The following BANP variants were observed in gnomAD, a reference collection of about 807,000 sequenced individuals.
The protein encoded by BANP is BTG3 associated nuclear protein.
Under a neutral mutation model 68.1 loss-of-function variants are expected in BANP, and 11 were observed. The ratio of observed to expected loss-of-function variants is 0.16; its 90% CI spans 0.10 to 0.27. The LOEUF is 0.27. BANP is among the 10% of genes least tolerant of loss of function. BANP has a pLI of 1.00. For missense variants in BANP, 504 were observed against 722.7 expected, an observed-to-expected ratio of 0.70 and a Z score of 3.47; for synonymous variants, 329 against 303.2, an observed-to-expected ratio of 1.09 and a Z score of -0.88.
At chr16:87,990,264 A>C (rs896393498) in intron 4 of BANP, among the ~76,000 whole-genome samples, 7 of 152,224 alleles carry the variant, frequency 4.6e-5, no homozygotes, top group Non-Finnish European at 1.5e-5. Context: ...ATTTTACAAC[A>C]ATTATAAACC....
intron 1 of BANP, among the ~76,000 whole-genome samples, chr16:87,959,704 G>A (rs746084123): frequency 2.6e-5 from 4 of 152,156 alleles, no homozygotes; most frequent in African/African-American, 4.8e-5. Flanking sequence ...GCAGAGGGGC[G>A]ATGCCACCCT....
Position 88,076,807 on chromosome 16 carries a change from G to C in BANP, c.*146G>C. The C allele has an allele frequency of 1.5e-6, 1 of 664,158 alleles. No individual in the cohort carries two copies. The highest frequency in any genetic ancestry group is 2.5e-6 in the Non-Finnish European group (1 of 402,598). 41.1% of individuals were successfully genotyped at this position (664,158 alleles called of 1,614,324 possible). Reference sequence around the variant, plus strand: ...AAGGCCGCTGCCTCCGCGGGGAACAGCATCCTATCAACTGAAAGAGCAGCC... The same window carrying C: ...AAGGCCGCTGCCTCCGCGGGGAACACCATCCTATCAACTGAAAGAGCAGCC... On this transcript the variant is annotated 3_prime_UTR_variant, in exon 14 of 14. Coordinates refer to ENST00000682872, the MANE Select transcript of BANP (RefSeq NM_001386991.1).
At chr16:88,049,130 C>T (rs748467517) in intron 11 of BANP, among the ~76,000 whole-genome samples, 11 of 152,080 alleles carry the variant, frequency 7.2e-5, no homozygotes, top group East Asian at 1.9e-4. Context: ...GAGACAGCGT[C>T]GGATCCCATG....
chr16:88,040,959 G>C (rs1380200003), intron 11 of BANP, among the ~76,000 whole-genome samples: 2 of 152,252 alleles, frequency 1.3e-5, no homozygotes, highest in Admixed American at 1.3e-4. Flanking sequence ...AGTAGACTCA[G>C]AATCTGACAG....
intron 4 of BANP, among the ~76,000 whole-genome samples, chr16:87,991,157 C>T (rs926254137): frequency 6.6e-6 from 1 of 152,114 alleles, no homozygotes; most frequent in Non-Finnish European, 1.5e-5. Flanking sequence ...CCTGCAACTT[C>T]GGGAATTATT....
At chr16:87,998,736 G>A (rs1190828758) in intron 4 of BANP, among the ~76,000 whole-genome samples, 5 of 149,742 alleles carry the variant, frequency 3.3e-5, no homozygotes, top group African/African-American at 4.9e-5. Flanking sequence ...GTGCGCGGCT[G>A]TACTTGCCTG....
At position 88,003,852 on chromosome 16, in the gene BANP, C is replaced by A. The variant is rs545247448; in HGVS notation, c.363-443C>A. ...AATGATACCAACACTTACGTGGTTACGAACGTTAGATCTGTCCCATAGGAA... is the reference window on the plus strand; with the variant it reads ...AATGATACCAACACTTACGTGGTTAAGAACGTTAGATCTGTCCCATAGGAA... On this transcript the variant is annotated intron_variant, in intron 4 of 13. Transcript: ENST00000682872. This position sits in a 1 kb window ranked among gnomAD's most constrained non-coding sequence, Gnocchi z 6.1. 3.4e-6 allele frequency: 1 copy of A among 294,530 alleles called. No individual in the cohort carries two copies. The highest frequency in any genetic ancestry group is 2.2e-5 in the African/African-American group (1 of 45,176). 18.2% of individuals were successfully genotyped at this position (294,530 alleles called of 1,614,324 possible).
intron 4 of BANP, among the ~76,000 whole-genome samples, chr16:87,984,965 G>A (rs149806963): frequency 9.7e-4 from 147 of 152,330 alleles, no homozygotes; most frequent in African/African-American, 3.4e-3. Context: ...CTCACTTCAG[G>A]TTCCCTGGCC....
At chr16:88,008,007 C>G (rs775556560) in intron 6 of BANP, among the ~76,000 whole-genome samples, 1 of 152,184 alleles carries the variant, frequency 6.6e-6, no homozygotes, top group Non-Finnish European at 1.5e-5. Flanking sequence ...AGAAGAAGCC[C>G]TGTGCCCATC....
intron 9 of BANP, among the ~76,000 whole-genome samples, chr16:88,034,501 T>TCAAAAAAA (rs2078880742): frequency 5.9e-5 from 9 of 152,384 alleles, no homozygotes; most frequent in African/African-American, 1.9e-4. Flanking sequence ...TATTAGTGTT[T>TCAAAAAAA]ACTGAAACTG....
rs762644063 is a variant in BANP at position 88,076,632 on chromosome 16, C to T, written c.1564C>T (p.Leu522Phe). ...GCCCACGCTACAGCCGGAGATGCAGCTCGAGCACGGGGCCATCCAGATTCA... is the reference window on the plus strand; with the variant it reads ...GCCCACGCTACAGCCGGAGATGCAGTTCGAGCACGGGGCCATCCAGATTCA... ...LQPTLQPEMQ[L>F]EHGAIQIQ The change falls in exon 14 of 14, where the codon CTC becomes TTC. Residue 522 changes from leucine (L) to phenylalanine (F), a missense_variant. By Grantham distance (22) the Leu-to-Phe change is conservative (BLOSUM62 0). This residue lies in a region of BANP where 223 missense variants were observed against 246.2 expected (regional missense o/e 0.91). Transcript: ENST00000682872. 87 of 1,611,078 alleles carry T rather than the reference C, an allele frequency of 5.4e-5. 3 individuals carry two copies. In the South Asian group the frequency reaches 7.7e-4, roughly 14 times the overall value.
rs1389329743 is a variant in BANP at position 88,018,978 on chromosome 16, G to A, written c.895+311G>A. On this transcript the variant is annotated intron_variant, in intron 7 of 13. Transcript: ENST00000682872. The surrounding 1 kb of genome is among the most constrained non-coding windows in gnomAD (Gnocchi z 7.7). ...GTAGGCCACTCTTGAGGAAGAGAGAGGAGGAGGAGAGCCGGGGCCTTCCCT... is the reference window on the plus strand; with the variant it reads ...GTAGGCCACTCTTGAGGAAGAGAGAAGAGGAGGAGAGCCGGGGCCTTCCCT... Among the ~76,000 whole-genome samples, 1 of 152,150 alleles carries A rather than the reference G, an allele frequency of 6.6e-6. No homozygotes were observed. Among genetic ancestry groups the A allele is most frequent in the Non-Finnish European group, 1.5e-5 (1 of 67,996 alleles).
rs1264122328 is a variant in BANP at position 87,989,891 on chromosome 16, G to A, written c.362+5632G>A. 1.2e-4 allele frequency among the ~76,000 whole-genome samples: 14 copies of A among 115,742 alleles called. 1 individual carries two copies. The highest frequency in any genetic ancestry group is 3.0e-4 in the African/African-American group (9 of 29,518). 75.9% of individuals were successfully genotyped at this position (115,742 alleles called of 152,430 possible). On this transcript the variant is annotated intron_variant, in intron 4 of 13. Coordinates refer to ENST00000682872, the MANE Select transcript of BANP (RefSeq NM_001386991.1). ...GGACACAGGACACAGGGTGGGTGAC[G>A]GGGGATGCAGGCCCGCGTGGCTGCG...
At chr16:88,060,121 T>A (rs2086306016) in intron 11 of BANP, among the ~76,000 whole-genome samples, 1 of 152,268 alleles carries the variant, frequency 6.6e-6, no homozygotes, top group African/African-American at 2.4e-5. Flanking sequence ...GAGCGGCTTG[T>A]GTGAGAAGTG....
chr16:88,060,657 C>T (rs867537840), intron 11 of BANP, among the ~76,000 whole-genome samples: 10 of 152,224 alleles, frequency 6.6e-5, no homozygotes, highest in Admixed American at 3.9e-4. Context: ...CTGTGGGGAG[C>T]GAGAGGCTCT....
At chr16:88,049,815 C>A (rs1044900489) in intron 11 of BANP, among the ~76,000 whole-genome samples, 1 of 152,336 alleles carries the variant, frequency 6.6e-6, no homozygotes, top group East Asian at 1.9e-4. Flanking sequence ...CCCAGCCACA[C>A]GGCATCCGAC....
In BANP at chr16:88,040,881, TG is replaced by T. The variant is rs2080606981; in HGVS notation, c.1311+2871del. 2.0e-5 allele frequency among the ~76,000 whole-genome samples: 3 copies of T among 152,264 alleles called. No individual in the cohort carries two copies. In the East Asian group the frequency reaches 5.8e-4, roughly 29 times the overall value. ...CGGCTGTTTTAAGTTCCTAGATCACTGAGGATTGGCTTAGTATTCCCTTCTG... is the reference window on the plus strand; with the variant it reads ...CGGCTGTTTTAAGTTCCTAGATCACTAGGATTGGCTTAGTATTCCCTTCTG... On this transcript the variant is annotated intron_variant, in intron 11 of 13. Transcript: ENST00000682872.
intron 11 of BANP, among the ~76,000 whole-genome samples, chr16:88,062,935 G>T (rs1406341706): frequency 2.0e-5 from 3 of 152,214 alleles, no homozygotes; most frequent in Non-Finnish European, 4.4e-5. Context: ...CTTGGGGCGT[G>T]CAGCGCTCTG....
intron 1 of BANP, chr16:87,960,013 G>C (rs57537303): frequency 0.02 from 3,098 of 152,738 alleles, 97 homozygotes; most frequent in African/African-American, 0.07. Context: ...CAAGGCAGGA[G>C]ATGGAGACCT....
Sources: gnomAD v4.1 joint callset for allele counts (sites outside exome capture counted in the v4.1 genomes callset) on GRCh38, gnomAD v4.1.1 for gene constraint, gnomAD v4.1.1 regional missense constraint, Gnocchi (gnomAD v3.1) non-coding constraint, MANE v1.5 for transcripts, NCBI Gene and HGNC (gene_info 2026-07-23, HGNC 2026-07-21) for gene names.